PKIA: variants seen among roughly 807,000 people sequenced by gnomAD.
PKIA encodes PKI-alpha.
PKIA carries 4 observed loss-of-function variants against 7.6 expected under a neutral mutation model. That is an observed-to-expected ratio of 0.52 (90% CI 0.26 to 1.20). PKIA has a LOEUF of 1.20. Ranked by LOEUF, PKIA falls within the 50% of genes most tolerant of loss-of-function variation. The probability of loss-of-function intolerance (pLI) is 0.13; values close to 1 mark genes in which losing one functional copy is unlikely to be tolerated. For synonymous variants in PKIA, 21 were observed against 30.7 expected, an observed-to-expected ratio of 0.68 and a Z score of 1.04; for missense variants, 73 against 86.2, an observed-to-expected ratio of 0.85 and a Z score of 0.61.
chr8:78,542,958 C>T (rs774836563), intron 1 of PKIA, among the ~76,000 whole-genome samples: 14 of 152,122 alleles, frequency 9.2e-5, no homozygotes, highest in Non-Finnish European at 1.5e-4. Context: ...GCGAGAACTT[C>T]CTCCTTCAGA....
intron 1 of PKIA, among the ~76,000 whole-genome samples, chr8:78,559,308 A>G (rs1271968313): frequency 6.6e-6 from 1 of 152,186 alleles, no homozygotes; most frequent in Non-Finnish European, 1.5e-5. Flanking sequence ...CAACATGATC[A>G]GCAATTAAGT....
chr8:78,598,284 A>G (rs1251042337), intron 2 of PKIA, 74 bp from the exon 3 acceptor site: 6 of 865,224 alleles, frequency 6.9e-6, no homozygotes, highest in Non-Finnish European at 1.1e-5. Context: ...TCACATTCAT[A>G]TACTAAGTCG....
At position 78,584,732 on chromosome 8, in the gene PKIA, AC is replaced by A. The variant is rs531056617; in HGVS notation, c.-28+11796del. Among the ~76,000 whole-genome samples the A allele has an allele frequency of 1.5e-3, 229 of 152,220 alleles. 1 individual carries two copies. The highest frequency in any genetic ancestry group is 5.3e-3 in the African/African-American group (220 of 41,556). ...TTTTATTTGTATGTATTTACTTTGT[AC>A]CCTGAATTGTGCAGAAAACACTTTT... On this transcript the variant is annotated intron_variant, in intron 2 of 3. Transcript: ENST00000396418.
At chr8:78,571,059 T>C (rs899721522) in intron 1 of PKIA, among the ~76,000 whole-genome samples, 1 of 152,082 alleles carries the variant, frequency 6.6e-6, no homozygotes, top group East Asian at 1.9e-4. Context: ...TACACTGAAG[T>C]CTAGCTTAAT....
chr8:78,564,773 TTAG>T (rs1240541853), intron 1 of PKIA, among the ~76,000 whole-genome samples: 1 of 151,866 alleles, frequency 6.6e-6, no homozygotes, highest in Non-Finnish European at 1.5e-5. Context: ...TTATATCCAA[TTAG>T]TAGAAAATTA....
At chr8:78,579,802 A>G (rs1807764573) in intron 2 of PKIA, among the ~76,000 whole-genome samples, 1 of 152,066 alleles carries the variant, frequency 6.6e-6, no homozygotes, top group Non-Finnish European at 1.5e-5. Context: ...CCAGACAACC[A>G]TTTCCACCCA....
intron 1 of PKIA, among the ~76,000 whole-genome samples, chr8:78,518,910 G>A (rs1359190191): frequency 1.3e-5 from 2 of 152,296 alleles, no homozygotes; most frequent in Middle Eastern, 3.4e-3. Context: ...GTTTAAACAA[G>A]TTTGAGGAAA....
chr8:78,599,655 T>A (rs904150851), intron 3 of PKIA, among the ~76,000 whole-genome samples: 1 of 152,062 alleles, frequency 6.6e-6, no homozygotes, highest in East Asian at 1.9e-4. Context: ...TTGCTACCAG[T>A]AGTTACTTCC....
chr8:78,576,187 A>G (rs1585913126), intron 2 of PKIA, among the ~76,000 whole-genome samples: 2 of 152,006 alleles, frequency 1.3e-5, no homozygotes, highest in Non-Finnish European at 2.9e-5. Context: ...TGGGAAACAT[A>G]ATTCAGTCTC....
chr8:78,559,933 T>C (rs1041859903), intron 1 of PKIA, among the ~76,000 whole-genome samples: 6 of 152,208 alleles, frequency 3.9e-5, no homozygotes, highest in Non-Finnish European at 7.3e-5. Context: ...ACATTCTCCA[T>C]AGGAATAAAT....
At chr8:78,567,895 A>G (rs1007509444) in intron 1 of PKIA, among the ~76,000 whole-genome samples, 3 of 152,142 alleles carry the variant, frequency 2.0e-5, no homozygotes, top group African/African-American at 7.2e-5. Flanking sequence ...AATTGTTCCC[A>G]GGCTCAATAA....
intron 1 of PKIA, among the ~76,000 whole-genome samples, chr8:78,520,301 GTAT>G (rs1481311110): frequency 3.3e-5 from 5 of 152,132 alleles, no homozygotes; most frequent in African/African-American, 1.2e-4. Flanking sequence ...TCTACAAAAG[GTAT>G]TATGAGCTTA....
chr8:78,584,001 A>G (rs956014091), intron 2 of PKIA, among the ~76,000 whole-genome samples: 6 of 152,124 alleles, frequency 3.9e-5, no homozygotes, highest in Non-Finnish European at 7.4e-5. Flanking sequence ...TTCCCATTTC[A>G]TATTAATTTC....
At chr8:78,577,160 G>A (rs1807693823) in intron 2 of PKIA, among the ~76,000 whole-genome samples, 1 of 151,876 alleles carries the variant, frequency 6.6e-6, no homozygotes, top group African/African-American at 2.4e-5. Context: ...CAACGTGCAG[G>A]TTTGTTATAT....
At chr8:78,558,352 T>G (rs1274963516) in intron 1 of PKIA, 1 of 152,434 alleles carries the variant, frequency 6.6e-6, no homozygotes, top group Non-Finnish European at 1.5e-5. Context: ...GGTAATTGTA[T>G]TAGTCTGTTT....
intron 2 of PKIA, among the ~76,000 whole-genome samples, chr8:78,591,030 A>T (rs991417354): frequency 3.3e-5 from 5 of 152,208 alleles, no homozygotes; most frequent in Non-Finnish European, 4.4e-5. Context: ...TTTCTTTCTT[A>T]CTTAAAAGGA....
At chr8:78,572,417 A>G (rs1807571173) in intron 1 of PKIA, among the ~76,000 whole-genome samples, 1 of 152,026 alleles carries the variant, frequency 6.6e-6, no homozygotes, top group Non-Finnish European at 1.5e-5. Context: ...ATCTAGATGA[A>G]GACTGAAGAA....
chr8:78,568,763 A>G (rs2118545718), intron 1 of PKIA, among the ~76,000 whole-genome samples: 1 of 152,328 alleles, frequency 6.6e-6, no homozygotes, highest in South Asian at 2.1e-4. Context: ...AGAGATTTCT[A>G]ACAACAGAAA....
chr8:78,541,009 G>A (rs1806673023), intron 1 of PKIA, among the ~76,000 whole-genome samples: 1 of 151,504 alleles, frequency 6.6e-6, no homozygotes. Context: ...TATATACAAG[G>A]TACATTTACA....
Sources: allele counts gnomAD v4.1 joint callset (sites outside exome capture counted in the v4.1 genomes callset), GRCh38; gene constraint gnomAD v4.1.1; transcripts MANE v1.5; gene names NCBI Gene and HGNC (gene_info 2026-07-23, HGNC 2026-07-21).